The following FAM89A variants were observed in gnomAD, a reference collection of about 807,000 sequenced individuals.
The protein encoded by FAM89A is protein FAM89A.
In FAM89A, 10 loss-of-function variants were observed where a neutral mutation model predicts 7.1. That is an observed-to-expected ratio of 1.40 (90% CI 0.86 to 2.38). The LOEUF (loss-of-function observed/expected upper bound fraction) is 2.38. FAM89A is among the 30% of genes most tolerant of loss of function. FAM89A has a pLI of 0.00. For synonymous variants in FAM89A, 157 were observed against 129.3 expected, an observed-to-expected ratio of 1.21 and a Z score of -1.45; for missense variants, 276 against 262.8, an observed-to-expected ratio of 1.05 and a Z score of -0.35.
Position 231,020,031 on chromosome 1 carries a change from G to A in FAM89A, c.387C>T (p.Ser129=). The A allele has an allele frequency of 6.2e-7, 1 of 1,614,140 alleles. No individual in the cohort carries two copies. The highest frequency in any genetic ancestry group is 8.5e-7 in the Non-Finnish European group (1 of 1,180,036). The stretch of plus-strand genomic sequence containing the variant: ...CCAGAGCGTAAGTGCAGTCTGGGCT[G>A]GAGGCTGCCTGGCATGCCCCCTTGT... The part of the protein sequence containing the change: ...QEYKGACQAA[S]SPDCTYALEN... The change falls in exon 2 of 2, where the codon TCC becomes TCT. Residue 129 remains serine, a synonymous_variant. Coordinates refer to ENST00000366654, the MANE Select transcript of FAM89A (RefSeq NM_198552.3).
At chr1:231,037,582 C>T (rs1680178742) in intron 1 of FAM89A, among the ~76,000 whole-genome samples, 1 of 152,196 alleles carries the variant, frequency 6.6e-6, no homozygotes, top group Non-Finnish European at 1.5e-5. Flanking sequence ...CTCCCTTCTG[C>T]ACCCTGCTGT....
intron 1 of FAM89A, among the ~76,000 whole-genome samples, chr1:231,022,758 G>A (rs1679902439): frequency 6.6e-6 from 1 of 152,128 alleles, no homozygotes; most frequent in Non-Finnish European, 1.5e-5. Context: ...AGCTCTGCAG[G>A]GCAATCCCGT....
Position 231,039,971 on chromosome 1 carries a change from C to G in FAM89A, c.241G>C (p.Ala81Pro). ...GCGGCGTCCAGGTTGGGAGGCTTGG[C>G]GGGCAGCGCTGCCGCCCGGGCCCCG... is the stretch of plus-strand genomic sequence containing the variant. ...GGGARAAALP[A>P]KPPNLDAALA... The change falls in exon 1 of 2, where the codon GCC becomes CCC. Residue 81 changes from alanine (A) to proline (P), a missense_variant. Transcript: ENST00000366654. The G allele has an allele frequency of 7.3e-7, 1 of 1,372,648 alleles. No individual in the cohort carries two copies. Among genetic ancestry groups the G allele is most frequent in the Non-Finnish European group, 9.3e-7 (1 of 1,071,340 alleles). The allele number at this position is 1,372,648 out of a possible 1,614,324, so 85.0% of individuals were successfully genotyped here.
chr1:231,040,035 G>A lies in FAM89A; in HGVS notation c.177C>T (p.Arg59=), dbSNP rs771752192. The A allele has an allele frequency of 5.5e-6, 8 of 1,444,896 alleles. No homozygotes were observed. Among genetic ancestry groups the A allele is most frequent in the African/African-American group, 1.5e-5 (1 of 67,640 alleles). 89.5% of individuals were successfully genotyped at this position (1,444,896 alleles called of 1,614,324 possible). A position where few individuals can be genotyped will look rare whatever the true frequency, so the allele number is the denominator to read the frequency against. Residue 59 remains arginine, a synonymous_variant, in exon 1 of 2, where the codon CGC becomes CGT. Coordinates refer to ENST00000366654, the MANE Select transcript of FAM89A (RefSeq NM_198552.3). ...HLERLYAQKS[R]IQDELSRGGP... ...CCCCGCGGCTCAGCTCGTCCTGGAT[G>A]CGCGACTTCTGCGCGTACAGCCGCT...
At chr1:231,038,738 T>C (rs546193140) in intron 1 of FAM89A, among the ~76,000 whole-genome samples, 1 of 152,328 alleles carries the variant, frequency 6.6e-6, no homozygotes, top group South Asian at 2.1e-4. Context: ...GGCTGCTTTC[T>C]GAATTCAATT....
chr1:231,026,196 A>T (rs540383212), intron 1 of FAM89A: 1 of 154,726 alleles, frequency 6.5e-6, no homozygotes, highest in Non-Finnish European at 1.5e-5. Flanking sequence ...AGGCTCTGAA[A>T]ACAGAAGCGC....
At chr1:231,031,842 T>C (rs917710301) in intron 1 of FAM89A, among the ~76,000 whole-genome samples, 25 of 151,776 alleles carry the variant, frequency 1.6e-4, no homozygotes, top group Admixed American at 7.2e-4. Flanking sequence ...TCTATCACTA[T>C]TATAAAAAAT....
In FAM89A at chr1:231,019,491, G is replaced by T. The variant is rs1451755174; in HGVS notation, c.*372C>A. On this transcript the variant is annotated 3_prime_UTR_variant, in exon 2 of 2. Transcript: ENST00000366654. ...AAGAACCCTAACACAAAGAGGATTG[G>T]AATACTCTACCATCTGTAAGGAAGT... The T allele has an allele frequency of 1.0e-5, 2 of 193,172 alleles. No individual in the cohort carries two copies. The allele number at this position is 193,172 out of a possible 1,614,324, so 12.0% of individuals were successfully genotyped here.
intron 1 of FAM89A, among the ~76,000 whole-genome samples, chr1:231,025,619 G>A (rs1183126911): frequency 1.3e-5 from 2 of 151,916 alleles, no homozygotes; most frequent in Non-Finnish European, 2.9e-5. Flanking sequence ...ATTAGAGTTC[G>A]AAAGGATGTG....
chr1:231,032,204 A>G lies in FAM89A; in HGVS notation c.291+7717T>C, dbSNP rs1680082323. On this transcript the variant is annotated intron_variant, in intron 1 of 1. Transcript: ENST00000366654. ...ATCCCTTTTGTGACCTAACTTAAACATATTTTAAAATTATATTGCAATTCT... is the reference window on the plus strand; with the variant it reads ...ATCCCTTTTGTGACCTAACTTAAACGTATTTTAAAATTATATTGCAATTCT... Among the ~76,000 whole-genome samples, 2 of 152,228 alleles carry G rather than the reference A, an allele frequency of 1.3e-5. 1 individual carries two copies. Among genetic ancestry groups the G allele is most frequent in the South Asian group, 4.1e-4 (2 of 4,832 alleles).
chr1:231,029,582 C>T (rs1457758903), intron 1 of FAM89A, among the ~76,000 whole-genome samples: 1 of 152,146 alleles, frequency 6.6e-6, no homozygotes, highest in African/African-American at 2.4e-5. Context: ...ATCTGCAGGA[C>T]TCTGAAATGG....
chr1:231,028,259 C>T (rs145072525), intron 1 of FAM89A, among the ~76,000 whole-genome samples: 1,970 of 152,252 alleles, frequency 0.013, 21 homozygotes, highest in Middle Eastern at 0.034. Context: ...ACTGAGTCCC[C>T]GCGTGCCTCC....
intron 1 of FAM89A, among the ~76,000 whole-genome samples, chr1:231,024,520 GCACACACA>G (rs3220109): frequency 3.5e-5 from 5 of 144,540 alleles, no homozygotes; most frequent in Non-Finnish European, 6.0e-5. Context: ...TACATTGCAT[GCACACACA>G]CACACACACA....
chr1:231,040,053 C>A lies in FAM89A; in HGVS notation c.159G>T (p.Leu53=). The A allele has an allele frequency of 6.9e-7, 1 of 1,447,716 alleles. No individual in the cohort carries two copies. Among genetic ancestry groups the A allele is most frequent in the Admixed American group, 2.4e-5 (1 of 41,566 alleles). 89.7% of individuals were successfully genotyped at this position (1,447,716 alleles called of 1,614,324 possible). ...ASGGWRHLER[L]YAQKSRIQDE... is the part of the protein sequence containing the mutation. ...CCTGGATGCGCGACTTCTGCGCGTACAGCCGCTCCAGGTGCCGCCAGCCCC... is the reference window on the plus strand; with the variant it reads ...CCTGGATGCGCGACTTCTGCGCGTAAAGCCGCTCCAGGTGCCGCCAGCCCC... Residue 53 remains leucine (L), a synonymous_variant, in exon 1 of 2, where the codon CTG becomes CTT. Transcript: ENST00000366654.
chr1:231,019,769 C>A lies in FAM89A; in HGVS notation c.*94G>T. ...ATCCCCTGTGCCCGAGGACCGTCCA[C>A]AACGGAGGTGCTTTCTTGCAAGAGA... On this transcript the variant is annotated 3_prime_UTR_variant, in exon 2 of 2. Transcript: ENST00000366654. The A allele has an allele frequency of 3.5e-6, 5 of 1,440,214 alleles. No individual in the cohort carries two copies. The highest frequency in any genetic ancestry group is 4.7e-6 in the Non-Finnish European group (5 of 1,057,116). The allele number at this position is 1,440,214 out of a possible 1,614,324, so 89.2% of individuals were successfully genotyped here.
chr1:231,023,709 T>C (rs1324664063), intron 1 of FAM89A, among the ~76,000 whole-genome samples: 1 of 152,246 alleles, frequency 6.6e-6, no homozygotes, highest in Non-Finnish European at 1.5e-5. Flanking sequence ...CCAGTTAGTT[T>C]GAATGAAAAT....
chr1:231,040,199 G>C lies in FAM89A; in HGVS notation c.13C>G (p.Arg5Gly), dbSNP rs1389019749. ...TTGCCCGCGGCCCCGGGCGCCGCCCGGGCCCCACTCATCGCGCCGCGGCCC... is the reference window on the plus strand; with the variant it reads ...TTGCCCGCGGCCCCGGGCGCCGCCCCGGCCCCACTCATCGCGCCGCGGCCC... MSGA[R>G]AAPGAAGNGA... Residue 5 changes from arginine (R) to glycine (G), a missense_variant, in exon 1 of 2, where the codon CGG (arginine) becomes GGG (glycine). Arg to Gly is a moderately radical substitution (Grantham distance 125). Transcript: ENST00000366654. 6 of 1,093,810 alleles carry C rather than the reference G, an allele frequency of 5.5e-6. No homozygotes were observed. In the African/African-American group the frequency reaches 8.4e-5, roughly 15 times the overall value. 67.8% of individuals were successfully genotyped at this position (1,093,810 alleles called of 1,614,324 possible). A position where few individuals can be genotyped will look rare whatever the true frequency, so the allele number is the denominator to read the frequency against.
chr1:231,029,506 A>C (rs141147819), intron 1 of FAM89A, among the ~76,000 whole-genome samples: 4 of 152,236 alleles, frequency 2.6e-5, no homozygotes, highest in African/African-American at 9.6e-5. Context: ...AAAAGAAAAA[A>C]AAAAAGAATG....
rs562284398 is a variant in FAM89A at position 231,019,898 on chromosome 1, G to C, written c.520C>G (p.Leu174Val). The change falls in exon 2 of 2, where the codon CTC becomes GTC. Residue 174 changes from leucine to valine, a missense_variant. By Grantham distance (32) the Leu-to-Val change is conservative (BLOSUM62 1). Transcript: ENST00000366654. The stretch of plus-strand genomic sequence containing the variant: ...TCCAGAATCCAGTCGCTGCTGGAGA[G>C]GGAGGAGACAGGCAGTGACAAGTCC... ...PRDLSLPVSS[L>V]SSSDWILESI The C allele has an allele frequency of 7.4e-6, 12 of 1,614,198 alleles. No homozygotes were observed. The African/African-American group carries it at 1.2e-4, about 16-fold the overall frequency.
Sources: gnomAD v4.1 joint callset for allele counts (sites outside exome capture counted in the v4.1 genomes callset) on GRCh38, gnomAD v4.1.1 for gene constraint, MANE v1.5 for transcripts, NCBI Gene and HGNC (gene_info 2026-07-23, HGNC 2026-07-21) for gene names.